The following TRIM37 variants were observed in gnomAD, a reference collection of about 807,000 sequenced individuals.
TRIM37 encodes tripartite motif containing 37.
TRIM37 carries 80 observed loss-of-function variants against 129.8 expected under a neutral mutation model. That is an observed-to-expected ratio of 0.62 (90% CI 0.51 to 0.74). TRIM37 has a LOEUF of 0.74. Ranked by LOEUF, TRIM37 falls within the 30% of genes least tolerant of loss-of-function variation. The pLI, the probability that TRIM37 is intolerant of heterozygous loss-of-function variation, is 0.00. For missense variants in TRIM37, 1,054 were observed against 1,176.5 expected (o/e 0.90, Z 1.52); for synonymous variants, 389 against 387.1 (o/e 1.00, Z -0.06).
intron 19 of TRIM37, among the ~76,000 whole-genome samples, chr17:59,027,952 G>A (rs2037420166): frequency 6.6e-6 from 1 of 152,106 alleles, no homozygotes; most frequent in Non-Finnish European, 1.5e-5. Context: ...GCTTGCCCTA[G>A]ATCTATAAAT....
At chr17:59,068,253 A>G (rs1390193603) in intron 9 of TRIM37, among the ~76,000 whole-genome samples, 1 of 152,156 alleles carries the variant, frequency 6.6e-6, no homozygotes, top group African/African-American at 2.4e-5. Flanking sequence ...AAGAATGGGA[A>G]TTTACATACA....
intron 2 of TRIM37, among the ~76,000 whole-genome samples, chr17:59,097,310 G>T (rs940501924): frequency 6.6e-6 from 1 of 151,870 alleles, no homozygotes; most frequent in Non-Finnish European, 1.5e-5. Flanking sequence ...GCAAGATAAA[G>T]AAATAAAAAG....
At chr17:58,999,781 T>C (rs555957907) in intron 23 of TRIM37, among the ~76,000 whole-genome samples, 1 of 152,354 alleles carries the variant, frequency 6.6e-6, no homozygotes, top group East Asian at 1.9e-4. Context: ...ATGGTGTATA[T>C]TCTCAAGATT....
chr17:59,038,494 TATAAC>T (rs1259770658), intron 17 of TRIM37, among the ~76,000 whole-genome samples: 1 of 152,172 alleles, frequency 6.6e-6, no homozygotes, highest in Non-Finnish European at 1.5e-5. Context: ...TATTCAGAAT[TATAAC>T]ATAGGCTCCA....
chr17:59,103,948 A>C lies in TRIM37; in HGVS notation c.123+345T>G, dbSNP rs560788086. Among the ~76,000 whole-genome samples the C allele has an allele frequency of 4.6e-5, 7 of 152,260 alleles. No homozygotes were observed. The South Asian group carries it at 1.2e-3, about 27-fold the overall frequency. ...GTTTTAAAGCCACTAGATTATATTC[A>C]TCTCTAGAGTGTCTTGTAATTGTAA... On this transcript the variant is annotated intron_variant, in intron 2 of 23. Transcript: ENST00000262294.
chr17:59,056,796 C>G (rs1284466750), intron 13 of TRIM37, 79 bp downstream of exon 13: 5 of 992,356 alleles, frequency 5.0e-6, no homozygotes, highest in Non-Finnish European at 7.2e-6. Context: ...TCTTTGTTAA[C>G]CAAATGATCT....
In TRIM37 at chr17:59,070,896, T is replaced by A. The variant is rs373950626; in HGVS notation, c.736A>T (p.Met246Leu). The change falls in exon 9 of 24, where the codon ATG (methionine) becomes TTG (leucine). Residue 246 changes from methionine to leucine, a missense_variant. Physicochemically the swap from Met to Leu is conservative, Grantham distance 15. Around this residue, in one of 3 missense-constraint regions of TRIM37, gnomAD observed 752 missense variants for 870.8 expected, o/e 0.86. Coordinates refer to ENST00000262294, the MANE Select transcript of TRIM37 (RefSeq NM_015294.6). Reference protein sequence around the residue: ...ELISKSSEILMMFQQVHRKPM... With the variant: ...ELISKSSEILLMFQQVHRKPM... ...TTCCGATGAACTTGCTGAAACATCA[T>A]AAGGATCTCTGAGCTCTTAGATATC... 8.7e-6 allele frequency: 14 copies of A among 1,613,902 alleles called. No individual in the cohort carries two copies. Among genetic ancestry groups the A allele is most frequent in the Admixed American group, 5.0e-5 (3 of 60,002 alleles).
At position 59,051,265 on chromosome 17, in the gene TRIM37, C is replaced by T; in HGVS notation, c.1263G>A (p.Gln421=). 5.6e-6 allele frequency: 9 copies of T among 1,613,916 alleles called. No individual in the cohort carries two copies. Among genetic ancestry groups the T allele is most frequent in the Non-Finnish European group, 7.6e-6 (9 of 1,179,928 alleles). Residue 421 remains glutamine (Q), a synonymous_variant, in exon 14 of 24, where the codon CAG becomes CAA. Coordinates refer to ENST00000262294, the MANE Select transcript of TRIM37 (RefSeq NM_015294.6). The part of the protein sequence containing the change: ...KSRDQHWYIT[Q]LEAAQTSYIQ... ...TATAACTAGTCTGTGCAGCTTCCAA[C>T]TGAGTAATGTACCAATGCTGGTCCC...
At chr17:59,043,659 G>A (rs1388997578) in intron 16 of TRIM37, among the ~76,000 whole-genome samples, 2 of 152,152 alleles carry the variant, frequency 1.3e-5, no homozygotes, top group Non-Finnish European at 2.9e-5. Flanking sequence ...CCCACTTGTG[G>A]ACTAGATGCT....
intron 1 of TRIM37, among the ~76,000 whole-genome samples, chr17:59,105,023 C>T (rs1294355943): frequency 6.9e-6 from 1 of 145,446 alleles, no homozygotes; most frequent in Non-Finnish European, 1.5e-5. Context: ...ACCTAGGAGG[C>T]GGAGGTTGCA....
intron 8 of TRIM37, among the ~76,000 whole-genome samples, chr17:59,071,346 C>T (rs979722693): frequency 8.5e-5 from 12 of 141,340 alleles, no homozygotes; most frequent in African/African-American, 2.1e-4. Context: ...AGTGCAATGG[C>T]GCGATCTCGG....
chr17:59,071,660 C>T (rs2042381161), intron 8 of TRIM37, among the ~76,000 whole-genome samples: 3 of 152,090 alleles, frequency 2.0e-5, no homozygotes, highest in Admixed American at 2.0e-4. Flanking sequence ...CACATACACC[C>T]GTGTGTACAC....
At position 59,056,921 on chromosome 17, in the gene TRIM37, C is replaced by T. The variant is rs762943053; in HGVS notation, c.1153G>A (p.Ala385Thr). 32 of 1,613,506 alleles carry T rather than the reference C, an allele frequency of 2.0e-5. No homozygotes were observed. The highest frequency in any genetic ancestry group is 4.0e-5 in the African/African-American group (3 of 74,822). ...TGTGGATTCAAGTATCCTTCATTTG[C>T]GAGTAAGTCCAAACGGAAAAATCTA... is the stretch of plus-strand genomic sequence containing the variant. ...YNRFFRLDLL[A>T]NEGYLNPQND... Residue 385 changes from alanine to threonine, a missense_variant, in exon 13 of 24, where the codon GCA becomes ACA. Physicochemically the swap from Ala to Thr is moderately conservative, Grantham distance 58. Around this residue, in one of 3 missense-constraint regions of TRIM37, gnomAD observed 752 missense variants for 870.8 expected, o/e 0.86. Coordinates refer to ENST00000262294, the MANE Select transcript of TRIM37 (RefSeq NM_015294.6).
At position 59,047,780 on chromosome 17, in the gene TRIM37, A is replaced by C. The variant is rs143097255; in HGVS notation, c.1570T>G (p.Tyr524Asp). The C allele has an allele frequency of 5.0e-5, 81 of 1,614,140 alleles. 1 individual carries two copies. In the Middle Eastern group the frequency reaches 6.6e-4, roughly 13 times the overall value. The change falls in exon 16 of 24, where the codon TAT becomes GAT. Residue 524 changes from tyrosine (Y) to aspartate (D), a missense_variant. Transcript: ENST00000262294. ...TCGAGCTGATTTACTTCATCCTCATAAACAAGATCCAGATCCAGATCTCCA... is the reference window on the plus strand; with the variant it reads ...TCGAGCTGATTTACTTCATCCTCATCAACAAGATCCAGATCCAGATCTCCA... The part of the protein sequence containing the change: ...SDGDLDLDLV[Y>D]EDEVNQLDGS...
At chr17:59,041,433 G>A (rs1402576674) in intron 17 of TRIM37, among the ~76,000 whole-genome samples, 2 of 152,164 alleles carry the variant, frequency 1.3e-5, no homozygotes, top group Admixed American at 1.3e-4. Context: ...CTTTATATCA[G>A]AAAGAATAGT....
chr17:59,093,768 T>A (rs1176573436), intron 2 of TRIM37, among the ~76,000 whole-genome samples: 3 of 152,210 alleles, frequency 2.0e-5, no homozygotes, highest in African/African-American at 7.2e-5. Context: ...GGTCCCTCCC[T>A]CCATATCCCG....
the TRIM37 span, among the ~76,000 whole-genome samples, chr17:58,972,476 G>A: frequency 2.0e-5 from 3 of 151,816 alleles, no homozygotes; most frequent in Non-Finnish European, 4.4e-5. Context: ...TCAGCCTCCC[G>A]AGTAGCTGGG....
At position 59,015,605 on chromosome 17, in the gene TRIM37, T is replaced by G. The variant is rs758512943; in HGVS notation, c.2576+5A>C. The G allele has an allele frequency of 1.8e-5, 29 of 1,613,866 alleles. No individual in the cohort carries two copies. In the Admixed American group the frequency reaches 4.7e-4, roughly 26 times the overall value. On this transcript the variant is annotated splice_donor_5th_base_variant and intron_variant, in intron 21 of 23. Coordinates refer to ENST00000262294, the MANE Select transcript of TRIM37 (RefSeq NM_015294.6). ...CCATTACATATACAAAACAACTTAA[T>G]TTACCCCAAGGTGACCATTTTCCTC...
At chr17:59,031,500 T>G (rs569527384) in intron 18 of TRIM37, among the ~76,000 whole-genome samples, 65 of 152,390 alleles carry the variant, frequency 4.3e-4, no homozygotes, top group African/African-American at 1.5e-3. Context: ...ATTTTTAAGC[T>G]ACTGAACATC....
Sources: allele counts gnomAD v4.1 joint callset (sites outside exome capture counted in the v4.1 genomes callset), GRCh38; gene constraint gnomAD v4.1.1; regional missense constraint gnomAD v4.1.1; transcripts MANE v1.5; gene names NCBI Gene and HGNC (gene_info 2026-07-23, HGNC 2026-07-21).